Variants in WDPCP observed in about 807,000 individuals in gnomAD.
The protein encoded by WDPCP is WD repeat-containing and planar cell polarity effector protein fritz homolog.
A neutral mutation model predicts 93.1 loss-of-function variants in WDPCP; 71 were observed. The observed-to-expected ratio is 0.76, with a 90% confidence interval of 0.63 to 0.93. The LOEUF is 0.93. Among genes scored for constraint, WDPCP ranks in the 40% least tolerant of loss-of-function variants. The pLI is 0.00. For synonymous variants in WDPCP, 315 were observed against 315.0 expected (o/e 1.00, Z 0.00); for missense variants, 844 against 887.4 (o/e 0.95, Z 0.62).
chr2:63,364,371 T>C (rs934015443), intron 12 of WDPCP, among the ~76,000 whole-genome samples: 2 of 152,254 alleles, frequency 1.3e-5, no homozygotes, highest in African/African-American at 4.8e-5. Flanking sequence ...TATTGAATTA[T>C]ATCTTTGAGT....
intron 2 of WDPCP, among the ~76,000 whole-genome samples, chr2:63,730,495 G>T (rs541030311): frequency 6.6e-6 from 1 of 152,040 alleles, no homozygotes; most frequent in Middle Eastern, 3.2e-3. Context: ...ACGGAGTCTC[G>T]CTCTGTTGCC....
chr2:63,415,102 G>T (rs1179284066), intron 9 of WDPCP, among the ~76,000 whole-genome samples: 1 of 152,100 alleles, frequency 6.6e-6, no homozygotes, highest in Non-Finnish European at 1.5e-5. Flanking sequence ...AAATACTTTA[G>T]TATAATCCCA....
chr2:63,523,666 C>G (rs927531076), intron 1 of WDPCP, among the ~76,000 whole-genome samples: 1 of 152,180 alleles, frequency 6.6e-6, no homozygotes, highest in Non-Finnish European at 1.5e-5. Flanking sequence ...AATCCCAGCA[C>G]TTTGAGAGGC....
At chr2:63,762,399 A>T (rs889420650) in intron 2 of WDPCP, among the ~76,000 whole-genome samples, 1 of 152,214 alleles carries the variant, frequency 6.6e-6, no homozygotes, top group African/African-American at 2.4e-5. Flanking sequence ...GTAAGAAAAA[A>T]TGCACTCATT....
At chr2:63,509,614 C>T (rs1702100252) in intron 1 of WDPCP, among the ~76,000 whole-genome samples, 1 of 152,000 alleles carries the variant, frequency 6.6e-6, no homozygotes, top group African/African-American at 2.4e-5. Flanking sequence ...ACACAAAAAA[C>T]CCTTCAAAAA....
At chr2:63,837,086 G>T in the WDPCP span, among the ~76,000 whole-genome samples, 1 of 152,146 alleles carries the variant, frequency 6.6e-6, no homozygotes, top group African/African-American at 2.4e-5. Context: ...ACAAATGGAA[G>T]GATATGTCAT....
chr2:63,531,940 T>C (rs960890588), intron 1 of WDPCP, among the ~76,000 whole-genome samples: 4 of 151,908 alleles, frequency 2.6e-5, no homozygotes, highest in African/African-American at 9.7e-5. Context: ...TTCGAACCCA[T>C]CATAAGGAAG....
chr2:63,428,670 A>G (rs1482127604), intron 9 of WDPCP, among the ~76,000 whole-genome samples: 2 of 152,192 alleles, frequency 1.3e-5, no homozygotes, highest in African/African-American at 4.8e-5. Context: ...AACTGGAACA[A>G]GACAAGGATG....
At chr2:63,450,315 C>T (rs1404195024) in intron 6 of WDPCP, among the ~76,000 whole-genome samples, 1 of 152,154 alleles carries the variant, frequency 6.6e-6, no homozygotes, top group Non-Finnish European at 1.5e-5. Context: ...TGCTGAGCAG[C>T]ACTGTGGTGC....
intron 3 of WDPCP, among the ~76,000 whole-genome samples, chr2:63,609,764 C>T (rs370382417): frequency 3.0e-4 from 46 of 151,984 alleles, no homozygotes; most frequent in African/African-American, 9.7e-4. Flanking sequence ...CCCAACTACT[C>T]GGGAGTCCGA....
chr2:63,647,784 G>T (rs1476982105), intron 3 of WDPCP, among the ~76,000 whole-genome samples: 4 of 151,820 alleles, frequency 2.6e-5, no homozygotes, highest in African/African-American at 9.7e-5. Flanking sequence ...GACCCTCTCT[G>T]TATTATCATT....
intron 2 of WDPCP, among the ~76,000 whole-genome samples, chr2:63,787,108 T>A (rs1467894520): frequency 6.6e-6 from 1 of 152,186 alleles, no homozygotes; most frequent in Non-Finnish European, 1.5e-5. Flanking sequence ...TAGGATACCC[T>A]TGGATCCTAA....
At chr2:63,142,724 G>A (rs886327869) in intron 17 of WDPCP, among the ~76,000 whole-genome samples, 1 of 151,986 alleles carries the variant, frequency 6.6e-6, no homozygotes, top group Non-Finnish European at 1.5e-5. Flanking sequence ...CAGTGGAGTA[G>A]TGTAGGTCTT....
At chr2:63,323,485 T>C (rs1687282191) in intron 12 of WDPCP, among the ~76,000 whole-genome samples, 1 of 152,170 alleles carries the variant, frequency 6.6e-6, no homozygotes, top group Admixed American at 6.5e-5. Context: ...TTCCTGAAGC[T>C]AGAATATGGG....
intron 2 of WDPCP, among the ~76,000 whole-genome samples, chr2:63,800,806 A>T (rs1422165416): frequency 2.6e-5 from 4 of 152,196 alleles, no homozygotes; most frequent in Non-Finnish European, 2.9e-5. Context: ...TAATCCAAGC[A>T]CTTTGGGAGG....
chr2:63,801,292 T>G (rs1670689720), intron 2 of WDPCP, among the ~76,000 whole-genome samples: 1 of 152,182 alleles, frequency 6.6e-6, no homozygotes, highest in South Asian at 2.1e-4. Flanking sequence ...CCCTCCATAG[T>G]GCTCCTTTAG....
intron 2 of WDPCP, among the ~76,000 whole-genome samples, chr2:63,748,665 T>G (rs1669834718): frequency 6.6e-6 from 1 of 152,136 alleles, no homozygotes; most frequent in Admixed American, 6.5e-5. Flanking sequence ...TATCCCTTAT[T>G]CCTTTAAGCA....
chr2:63,377,166 G>C (rs968132309), intron 12 of WDPCP, among the ~76,000 whole-genome samples: 3 of 151,728 alleles, frequency 2.0e-5, no homozygotes, highest in Non-Finnish European at 4.4e-5. Flanking sequence ...CCAATAACTT[G>C]TTATTTGATC....
chr2:63,195,700 C>T (rs1480010546), intron 14 of WDPCP, among the ~76,000 whole-genome samples: 5 of 151,862 alleles, frequency 3.3e-5, no homozygotes, highest in Admixed American at 6.6e-5. Flanking sequence ...AGATGAACCA[C>T]GTAGGCTAAA....
Sources: allele counts gnomAD v4.1 joint callset (sites outside exome capture counted in the v4.1 genomes callset), GRCh38; gene constraint gnomAD v4.1.1; transcripts MANE v1.5; gene names NCBI Gene and HGNC (gene_info 2026-07-23, HGNC 2026-07-21).